CCSER1: variants seen among roughly 807,000 people sequenced by gnomAD.
The protein encoded by CCSER1 is coiled-coil serine rich protein 1, also known as serine-rich coiled-coil domain-containing protein 1.
CCSER1 carries 41 observed loss-of-function variants against 82.0 expected under a neutral mutation model. That is an observed-to-expected ratio of 0.50 (90% CI 0.39 to 0.65). The LOEUF is 0.65. Among genes scored for constraint, CCSER1 ranks in the 30% least tolerant of loss-of-function variants. The pLI is 0.00. For synonymous variants in CCSER1, 414 were observed against 383.9 expected (o/e 1.08, Z -0.92); for missense variants, 1,119 against 1,064.2 (o/e 1.05, Z -0.72).
At chr4:91,512,010 G>A (rs1427989906) in intron 10 of CCSER1, among the ~76,000 whole-genome samples, 2 of 152,126 alleles carry the variant, frequency 1.3e-5, no homozygotes, top group Admixed American at 6.6e-5. Context: ...GCAGTATTTT[G>A]TAGTTATCCT....
At chr4:91,517,201 C>A (rs1420890961) in intron 10 of CCSER1, among the ~76,000 whole-genome samples, 1 of 152,022 alleles carries the variant, frequency 6.6e-6, no homozygotes. Flanking sequence ...CTTTTTCTTG[C>A]CTGATTGCTC....
chr4:90,271,850 ATATATATATATATTTTTTTTT>A (rs1211392787), intron 1 of CCSER1, among the ~76,000 whole-genome samples: 1 of 23,140 alleles, frequency 4.3e-5, no homozygotes, highest in African/African-American at 4.8e-4. Flanking sequence ...ATATATATAT[ATATATATATATATTTTTTTTT>A]TTTTTTTTTT....
intron 7 of CCSER1, among the ~76,000 whole-genome samples, chr4:90,728,742 T>C (rs1238524759): frequency 6.6e-6 from 1 of 152,188 alleles, no homozygotes; most frequent in African/African-American, 2.4e-5. Flanking sequence ...TAACTTTACG[T>C]GACCATAGAG....
chr4:90,340,201 C>T (rs989586964), intron 3 of CCSER1, among the ~76,000 whole-genome samples: 9 of 152,064 alleles, frequency 5.9e-5, no homozygotes, highest in Admixed American at 2.0e-4. Context: ...CTCTTTTGGC[C>T]TCACAGTAGG....
chr4:90,737,339 G>A (rs1452615157), intron 7 of CCSER1, among the ~76,000 whole-genome samples: 1 of 152,090 alleles, frequency 6.6e-6, no homozygotes, highest in African/African-American at 2.4e-5. Context: ...GTTTGACTGA[G>A]AACATCTTTA....
At chr4:91,184,890 A>T (rs1442965609) in intron 10 of CCSER1, among the ~76,000 whole-genome samples, 1 of 152,202 alleles carries the variant, frequency 6.6e-6, no homozygotes, top group African/African-American at 2.4e-5. Flanking sequence ...TTGTTGTAAT[A>T]AATCTCTTCC....
At chr4:90,472,173 T>C (rs1169562009) in intron 5 of CCSER1, among the ~76,000 whole-genome samples, 1 of 152,136 alleles carries the variant, frequency 6.6e-6, no homozygotes, top group Non-Finnish European at 1.5e-5. Flanking sequence ...AATATAGGAT[T>C]CATAGAGTCA....
At chr4:90,348,488 T>A (rs1742820364) in intron 3 of CCSER1, among the ~76,000 whole-genome samples, 1 of 152,188 alleles carries the variant, frequency 6.6e-6, no homozygotes, top group South Asian at 2.1e-4. Context: ...AATTTTTAAT[T>A]TTCCCCAAAC....
chr4:90,388,588 G>C (rs1750458561), intron 3 of CCSER1, among the ~76,000 whole-genome samples: 1 of 151,524 alleles, frequency 6.6e-6, no homozygotes, highest in Non-Finnish European at 1.5e-5. Flanking sequence ...GGAATTACAG[G>C]CGTGAGCCAC....
intron 1 of CCSER1, among the ~76,000 whole-genome samples, chr4:90,164,836 C>CT (rs996540344): frequency 6.6e-6 from 1 of 152,052 alleles, no homozygotes; most frequent in African/African-American, 2.4e-5. Context: ...ACTTTGCTAC[C>CT]TTTTGACAAA....
chr4:90,367,922 G>GA (rs1362827565), intron 3 of CCSER1, among the ~76,000 whole-genome samples: 1 of 151,456 alleles, frequency 6.6e-6, no homozygotes, highest in Non-Finnish European at 1.5e-5. Context: ...GAAAATTACT[G>GA]AAAAAAAGAA....
chr4:90,516,869 T>C (rs1772357324), intron 5 of CCSER1, among the ~76,000 whole-genome samples: 1 of 152,166 alleles, frequency 6.6e-6, no homozygotes, highest in African/African-American at 2.4e-5. Context: ...ATAATACTTT[T>C]ATGAGGTGGA....
intron 1 of CCSER1, among the ~76,000 whole-genome samples, chr4:90,208,108 T>TC (rs375660787): frequency 1.3e-5 from 2 of 152,136 alleles, no homozygotes; most frequent in Non-Finnish European, 2.9e-5. Context: ...AGCCACCCCT[T>TC]CCCCCAGGTG....
intron 10 of CCSER1, among the ~76,000 whole-genome samples, chr4:91,379,822 C>G (rs1329037530): frequency 1.3e-5 from 2 of 152,142 alleles, no homozygotes; most frequent in African/African-American, 2.4e-5. Flanking sequence ...CTTTCTAGTT[C>G]TTTTAATTGT....
intron 6 of CCSER1, among the ~76,000 whole-genome samples, chr4:90,688,233 T>C (rs1735174190): frequency 6.6e-6 from 1 of 152,258 alleles, no homozygotes; most frequent in African/African-American, 2.4e-5. Context: ...CTGCTGTCAC[T>C]GTCAATACCC....
At chr4:91,271,691 CAT>C (rs930032751) in intron 10 of CCSER1, among the ~76,000 whole-genome samples, 4 of 151,592 alleles carry the variant, frequency 2.6e-5, no homozygotes, top group African/African-American at 4.9e-5. Flanking sequence ...TATACACACA[CAT>C]ATATATGATA....
intron 8 of CCSER1, among the ~76,000 whole-genome samples, chr4:90,863,170 A>G (rs928178156): frequency 5.3e-5 from 8 of 150,264 alleles, no homozygotes; most frequent in Non-Finnish European, 1.0e-4. Flanking sequence ...ATTCCCATCT[A>G]TGAGTGAGAA....
At chr4:90,866,604 T>C (rs552469980) in intron 8 of CCSER1, among the ~76,000 whole-genome samples, 1 of 152,102 alleles carries the variant, frequency 6.6e-6, no homozygotes, top group Non-Finnish European at 1.5e-5. Context: ...TAAGAAATTT[T>C]CTTGTGTGTA....
At chr4:90,264,049 T>A (rs558737145) in intron 1 of CCSER1, among the ~76,000 whole-genome samples, 2 of 152,292 alleles carry the variant, frequency 1.3e-5, no homozygotes, top group South Asian at 2.1e-4. Flanking sequence ...AGTTTTCAAG[T>A]CACACTTGAC....
Sources: gnomAD v4.1 joint callset for allele counts (sites outside exome capture counted in the v4.1 genomes callset) on GRCh38, gnomAD v4.1.1 for gene constraint, MANE v1.5 for transcripts, NCBI Gene and HGNC (gene_info 2026-07-23, HGNC 2026-07-21) for gene names.